Variants in DCLK1 observed in about 807,000 individuals in gnomAD.
DCLK1 encodes doublecortin like kinase 1, also known as serine/threonine-protein kinase DCLK1.
In DCLK1, 16 loss-of-function variants were observed where a neutral mutation model predicts 86.2. The ratio of observed to expected loss-of-function variants is 0.19; its 90% CI spans 0.13 to 0.28. DCLK1 has a LOEUF of 0.28. Ranked by LOEUF, DCLK1 falls within the 10% of genes least tolerant of loss-of-function variation. The pLI, the probability that DCLK1 is intolerant of heterozygous loss-of-function variation, is 1.00. For missense variants in DCLK1, 590 were observed against 940.2 expected (o/e 0.63, Z 4.87); for synonymous variants, 369 against 370.5 (o/e 1.00, Z 0.05).
At chr13:35,802,862 G>T (rs2086949787) in intron 15 of DCLK1, among the ~76,000 whole-genome samples, 1 of 152,128 alleles carries the variant, frequency 6.6e-6, no homozygotes, top group Non-Finnish European at 1.5e-5. Context: ...TTAACATGTG[G>T]ATCAGTCAGA....
chr13:36,102,189 CT>C (rs60965913), intron 3 of DCLK1, among the ~76,000 whole-genome samples: 27,602 of 138,306 alleles, frequency 0.2, 2,682 homozygotes, highest in Middle Eastern at 0.23. Context: ...CTAGTCTAAT[CT>C]TTTTTTTTTT....
At chr13:35,942,295 T>A (rs1032382271) in intron 4 of DCLK1, among the ~76,000 whole-genome samples, 2 of 152,050 alleles carry the variant, frequency 1.3e-5, no homozygotes, top group African/African-American at 4.8e-5. Flanking sequence ...GCCTCCCGAG[T>A]AGCTGGGACT....
At chr13:35,855,425 T>C (rs1312817792) in intron 5 of DCLK1, 8 of 1,336,836 alleles carry the variant, frequency 6.0e-6, no homozygotes, top group African/African-American at 2.9e-5. Context: ...GTCAGTGAAG[T>C]AGAATTAACC....
chr13:35,907,782 T>C (rs937365760), intron 4 of DCLK1, among the ~76,000 whole-genome samples: 3 of 151,056 alleles, frequency 2.0e-5, no homozygotes, highest in African/African-American at 7.3e-5. Flanking sequence ...TTAAACAGTC[T>C]TGTGAACTAT....
intron 3 of DCLK1, among the ~76,000 whole-genome samples, chr13:36,001,057 TC>T (rs1053451084): frequency 1.1e-4 from 16 of 152,008 alleles, no homozygotes; most frequent in African/African-American, 3.9e-4. Flanking sequence ...TAAGCAATTC[TC>T]CTGCCTTAGC....
rs76090077 is a variant in DCLK1, at chr13:35,822,302, C to T, written c.1554+427G>A. Among the ~76,000 whole-genome samples, 1,574 of 151,284 alleles carry T rather than the reference C, an allele frequency of 0.01. 52 individuals are homozygous for T. In the East Asian group the frequency reaches 0.11, roughly 11 times the overall value. On this transcript the variant is annotated intron_variant, in intron 11 of 16. Coordinates refer to ENST00000360631, the MANE Select transcript of DCLK1 (RefSeq NM_001330071.2). ...CTGAGTAGCTGGGACTACAGGCACA[C>T]ACTACGATGTCCGGCTAATTAAAAA...
At position 35,773,312 on chromosome 13, in the gene DCLK1, G is replaced by A. The variant is rs2153096647; in HGVS notation, c.*1223C>T. Reference sequence around the variant, plus strand: ...GGTATTTAAAAAAAATCATTTTAGGGGATGGAGGTTTTATCCTCAGGGGTA... The same window carrying A: ...GGTATTTAAAAAAAATCATTTTAGGAGATGGAGGTTTTATCCTCAGGGGTA... On this transcript the variant is annotated 3_prime_UTR_variant, in exon 17 of 17. Transcript: ENST00000360631. 1 of 152,386 alleles carries A rather than the reference G, an allele frequency of 6.6e-6. No individual in the cohort carries two copies. Among genetic ancestry groups the A allele is most frequent in the Admixed American group, 6.5e-5 (1 of 15,274 alleles). The allele number at this position is 152,386 out of a possible 1,614,324, so 9.4% of individuals were successfully genotyped here. A position where few individuals can be genotyped will look rare whatever the true frequency, so the allele number is the denominator to read the frequency against.
intron 4 of DCLK1, among the ~76,000 whole-genome samples, chr13:35,929,581 T>C (rs1397557685): frequency 2.0e-5 from 3 of 152,236 alleles, no homozygotes; most frequent in Non-Finnish European, 4.4e-5. Flanking sequence ...AAGATGATGC[T>C]AGTTTCATCC....
At chr13:35,876,272 C>T (rs571425859) in intron 4 of DCLK1, among the ~76,000 whole-genome samples, 1 of 152,188 alleles carries the variant, frequency 6.6e-6, no homozygotes, top group East Asian at 1.9e-4. Flanking sequence ...GACCACTTGC[C>T]TTAAGGATAA....
chr13:35,800,421 ACATT>A (rs778711197), intron 15 of DCLK1, among the ~76,000 whole-genome samples: 2 of 152,198 alleles, frequency 1.3e-5, no homozygotes, highest in Non-Finnish European at 2.9e-5. Context: ...CCATGGGTCT[ACATT>A]CCTCTTCCAG....
chr13:35,923,438 G>C (rs1000956674), intron 4 of DCLK1, among the ~76,000 whole-genome samples: 1 of 151,864 alleles, frequency 6.6e-6, no homozygotes, highest in African/African-American at 2.4e-5. Context: ...TGGGAACACG[G>C]CCAGGGCTTG....
chr13:36,111,015 G>T (rs8001735), intron 3 of DCLK1, among the ~76,000 whole-genome samples: 89,934 of 150,830 alleles, frequency 0.6, 27,421 homozygotes, highest in East Asian at 0.86. Context: ...TTTTTATTTT[G>T]AGTAGAGACG....
intron 6 of DCLK1, chr13:35,846,687 T>C (rs1870198770): frequency 1.0e-6 from 1 of 985,208 alleles, no homozygotes; most frequent in African/African-American, 1.7e-5. Context: ...ACACTATGCC[T>C]CTGTGCAATA....
At chr13:36,051,158 T>A (rs1461884958) in intron 3 of DCLK1, among the ~76,000 whole-genome samples, 5 of 152,182 alleles carry the variant, frequency 3.3e-5, no homozygotes, top group Admixed American at 1.3e-4. Context: ...GAGGAGAAGA[T>A]AAAAGCACCA....
intron 3 of DCLK1, among the ~76,000 whole-genome samples, chr13:36,065,024 C>T (rs544832347): frequency 1.3e-5 from 2 of 152,298 alleles, no homozygotes; most frequent in East Asian, 1.9e-4. Context: ...GAATTCTTGA[C>T]TTTAAACGGA....
rs78825521 is a variant in DCLK1 at position 36,094,584 on chromosome 13, A to G, written c.723+17285T>C. Among the ~76,000 whole-genome samples, 1,053 of 152,320 alleles carry G rather than the reference A, an allele frequency of 6.9e-3. 12 individuals carry two copies. Among genetic ancestry groups the G allele is most frequent in the African/African-American group, 0.024 (992 of 41,564 alleles). ...TAAAATCAATTCCTTTTTAAGGAAA[A>G]AGTTTCTAAGCAATAATTATACTTT... On this transcript the variant is annotated intron_variant, in intron 3 of 16. Coordinates refer to ENST00000360631, the MANE Select transcript of DCLK1 (RefSeq NM_001330071.2).
intron 3 of DCLK1, among the ~76,000 whole-genome samples, chr13:36,015,014 C>G (rs1330817737): frequency 6.6e-6 from 1 of 151,714 alleles, no homozygotes; most frequent in Non-Finnish European, 1.5e-5. Flanking sequence ...TTCTCTCTCT[C>G]TCTCTCTCTC....
At chr13:36,052,952 G>A (rs1883179208) in intron 3 of DCLK1, among the ~76,000 whole-genome samples, 1 of 152,112 alleles carries the variant, frequency 6.6e-6, no homozygotes, top group Non-Finnish European at 1.5e-5. Flanking sequence ...GAGCTTCTTT[G>A]AGGATGGGGT....
chr13:36,118,038 T>C (rs1885851520), intron 2 of DCLK1, among the ~76,000 whole-genome samples: 1 of 152,082 alleles, frequency 6.6e-6, no homozygotes, highest in African/African-American at 2.4e-5. Flanking sequence ...TATGCTCTGT[T>C]GCACAGTACA....
Sources: gnomAD v4.1 joint callset for allele counts (sites outside exome capture counted in the v4.1 genomes callset) on GRCh38, gnomAD v4.1.1 for gene constraint, MANE v1.5 for transcripts, NCBI Gene and HGNC (gene_info 2026-07-23, HGNC 2026-07-21) for gene names.